Variants in DNAJB1 observed in about 807,000 individuals in gnomAD.
DNAJB1 encodes dnaJ homolog subfamily B member 1.
Under a neutral mutation model 24.0 loss-of-function variants are expected in DNAJB1, and 14 were observed. The ratio of observed to expected loss-of-function variants is 0.58; its 90% CI spans 0.39 to 0.91. The LOEUF (loss-of-function observed/expected upper bound fraction) is 0.91, where lower values mean the gene tolerates loss of function less well. Among genes scored for constraint, DNAJB1 ranks in the 40% least tolerant of loss-of-function variants. The pLI is 0.00. For synonymous variants in DNAJB1, 262 were observed against 174.4 expected (o/e 1.50, Z -3.96); for missense variants, 517 against 458.1 (o/e 1.13, Z -1.17).
intron 1 of DNAJB1, among the ~76,000 whole-genome samples, chr19:14,538,574 C>T (rs1482765928): frequency 6.6e-6 from 1 of 151,238 alleles, no homozygotes. Flanking sequence ...TCCTCTGTCA[C>T]CAGGCTGGAG....
At chr19:14,517,929 G>A (rs1216867407) in intron 1 of DNAJB1, 11 of 472,096 alleles carry the variant, frequency 2.3e-5, no homozygotes, top group Non-Finnish European at 3.6e-5. Context: ...AGACATGCTA[G>A]AAGCTTCTGG....
chr19:14,529,579 C>T (rs2146541657), upstream of DNAJB1: 1 of 1,505,854 alleles, frequency 6.6e-7, no homozygotes, highest in East Asian at 2.3e-5. Context: ...AGGGGCGGGG[C>T]GGACGCAGAG....
upstream of DNAJB1, among the ~76,000 whole-genome samples, chr19:14,534,755 G>T (rs1355383664): frequency 2.0e-5 from 3 of 152,062 alleles, no homozygotes; most frequent in African/African-American, 7.2e-5. Context: ...AGTCTTATTA[G>T]CACCTGATCA....
At position 14,516,498 on chromosome 19, in the gene DNAJB1, C is replaced by T; in HGVS notation, c.760G>A (p.Val254Ile). Residue 254 changes from valine to isoleucine, a missense_variant, in exon 2 of 3, where the codon GTC becomes ATC. Physicochemically the swap from Val to Ile is conservative, Grantham distance 29. Transcript: ENST00000254322. ...AGGCTGATCCTGGCAGGATAAATGA[C>T]ATCAGAGCCATCTCTCTTAAAGATA... ...HNIFKRDGSD[V>I]IYPARISLRE... The T allele has an allele frequency of 1.2e-6, 2 of 1,614,030 alleles. No homozygotes were observed. Among genetic ancestry groups the T allele is most frequent in the Non-Finnish European group, 1.7e-6 (2 of 1,179,880 alleles).
intron 1 of DNAJB1, among the ~76,000 whole-genome samples, chr19:14,538,537 T>A (rs886593275): frequency 6.8e-3 from 56 of 8,182 alleles, no homozygotes; most frequent in African/African-American, 0.039. Context: ...CTTTTTTTTC[T>A]TTTTTTTTTT....
Position 14,527,235 on chromosome 19 carries a change from G to A in DNAJB1, c.-90+491C>T, listed in dbSNP as rs1167439722. 1.6e-5 allele frequency: 2 copies of A among 126,648 alleles called. 1 individual carries two copies. The highest frequency in any genetic ancestry group is 5.2e-4 in the South Asian group (2 of 3,810). 7.8% of individuals were successfully genotyped at this position (126,648 alleles called of 1,614,324 possible). On this transcript the variant is annotated intron_variant, in intron 2 of 3. Coordinates refer to the DNAJB1 transcript ENST00000396969. Reference sequence around the variant, plus strand: ...TCATTCTTGTCACCCAGGCTGGAGTGCAGTGGTGTGATCTCTGCTCACTGC... The same window carrying A: ...TCATTCTTGTCACCCAGGCTGGAGTACAGTGGTGTGATCTCTGCTCACTGC...
chr19:14,531,762 A>G (rs2072676807), upstream of DNAJB1: 1 of 152,152 alleles, frequency 6.6e-6, no homozygotes, highest in South Asian at 2.1e-4. Flanking sequence ...AATTTTTGAC[A>G]TGGTATCAAG....
At chr19:14,547,545 C>T (rs1337321740) in intron 1 of DNAJB1, among the ~76,000 whole-genome samples, 3 of 151,944 alleles carry the variant, frequency 2.0e-5, no homozygotes, top group African/African-American at 4.8e-5. Context: ...TATTTTCAGT[C>T]GAGATGAGTT....
At chr19:14,527,327 G>A (rs1965683) in intron 2 of DNAJB1, 32,197 of 151,262 alleles carry the variant, frequency 0.21, 4,347 homozygotes, top group South Asian at 0.34. Context: ...GATTACAGGT[G>A]CCCACCACCA....
In DNAJB1 at chr19:14,558,982, C is replaced by CGT. The variant is rs145913080; in HGVS notation, c.-2166+1047_-2166+1048dup. Among the ~76,000 whole-genome samples, 223 of 151,676 alleles carry CGT rather than the reference C, an allele frequency of 1.5e-3. 5 individuals carry two copies. In the South Asian group the frequency reaches 0.043, roughly 29 times the overall value. On this transcript the variant is annotated intron_variant, in intron 1 of 5. Coordinates refer to the DNAJB1 transcript ENST00000679223. ...CCTGTTGGCCTCAGGCCTGGGCAGG[C>CGT]GTGTGTGTGTGTGGCAGGCACAGAG...
In DNAJB1 at chr19:14,516,736, C is replaced by T; in HGVS notation, c.522G>A (p.Glu174=). ...VTHDLRVSLE[E]IYSGCTKKMK... ...TCTTCTTGGTACAGCCGCTGTAGAT[C>T]TCTTCAAGGGAGACTCGAAGGTCGT... Residue 174 remains glutamate, a synonymous_variant, in exon 2 of 3, where the codon GAG becomes GAA. Coordinates refer to ENST00000254322, the MANE Select transcript of DNAJB1 (RefSeq NM_006145.3). The T allele has an allele frequency of 1.2e-6, 2 of 1,614,134 alleles. No individual in the cohort carries two copies. Among genetic ancestry groups the T allele is most frequent in the Non-Finnish European group, 1.7e-6 (2 of 1,180,038 alleles).
chr19:14,527,165 C>CTT lies in DNAJB1; in HGVS notation c.-90+559_-90+560dup, dbSNP rs369143149. On this transcript the variant is annotated intron_variant, in intron 2 of 3. Transcript: ENST00000396969. ...AACTGCCACCAGAAAAATATCTCTG[C>CTT]TTTTTTTTTTTTTTTTTTTTTTTTT... is the stretch of plus-strand genomic sequence containing the variant. 9.7e-3 allele frequency among the ~76,000 whole-genome samples: 399 copies of CTT among 41,296 alleles called. 84 individuals are homozygous for CTT. Among genetic ancestry groups the CTT allele is most frequent in the African/African-American group, 0.026 (236 of 9,244 alleles). The allele number at this position is 41,296 out of a possible 152,430, so 27.1% of individuals were successfully genotyped here. A position where few individuals can be genotyped will look rare whatever the true frequency, so the allele number is the denominator to read the frequency against.
At chr19:14,551,108 G>A (rs111397296), upstream of DNAJB1, among the ~76,000 whole-genome samples, 1,560 of 151,080 alleles carry the variant, frequency 0.01, 35 homozygotes, top group African/African-American at 0.035. Context: ...GTCTTGCTTT[G>A]TCACCCAGGC....
intron 1 of DNAJB1, among the ~76,000 whole-genome samples, chr19:14,536,933 C>A (rs912340344): frequency 1.4e-5 from 2 of 147,810 alleles, no homozygotes; most frequent in African/African-American, 5.1e-5. Context: ...CACCTCTGGA[C>A]CTCTGGACAC....
chr19:14,526,564 T>C (rs1252761410), intron 2 of DNAJB1, among the ~76,000 whole-genome samples: 1 of 152,202 alleles, frequency 6.6e-6, no homozygotes, highest in African/African-American at 2.4e-5. Context: ...ATTATTTGTA[T>C]GTTCCGGTTG....
upstream of DNAJB1, among the ~76,000 whole-genome samples, chr19:14,522,696 AC>A (rs1181133656): frequency 3.4e-5 from 5 of 146,680 alleles, no homozygotes; most frequent in African/African-American, 7.8e-5. Context: ...ACACACACAC[AC>A]ACACACACAC....
chr19:14,543,660 G>A (rs920969172), intron 1 of DNAJB1, among the ~76,000 whole-genome samples: 1 of 149,920 alleles, frequency 6.7e-6, no homozygotes, highest in Non-Finnish European at 1.5e-5. Flanking sequence ...GGATGGTCTC[G>A]ATCTCCTGAC....
rs1435560370 is a variant in DNAJB1, at chr19:14,514,930, A to G, written c.*1010T>C. Reference sequence around the variant, plus strand: ...TTCCAACTCCCCTTCCCTCCCCAAGATTTCTTCAGAATTCCATTATGGCCC... The same window carrying G: ...TTCCAACTCCCCTTCCCTCCCCAAGGTTTCTTCAGAATTCCATTATGGCCC... On this transcript the variant is annotated 3_prime_UTR_variant, in exon 3 of 3. Transcript: ENST00000254322. 1 of 152,532 alleles carries G rather than the reference A, an allele frequency of 6.6e-6. No homozygotes were observed. The highest frequency in any genetic ancestry group is 1.5e-5 in the Non-Finnish European group (1 of 68,056). The allele number at this position is 152,532 out of a possible 1,614,324, so 9.4% of individuals were successfully genotyped here. A position where few individuals can be genotyped will look rare whatever the true frequency, so the allele number is the denominator to read the frequency against.
chr19:14,519,243 C>T (rs534650597), upstream of DNAJB1, among the ~76,000 whole-genome samples: 1 of 152,174 alleles, frequency 6.6e-6, no homozygotes, highest in Admixed American at 6.5e-5. Context: ...GTGGCACGAA[C>T]CTGTAATCCC....
Sources: allele counts gnomAD v4.1 joint callset (sites outside exome capture counted in the v4.1 genomes callset), GRCh38; gene constraint gnomAD v4.1.1; transcripts MANE v1.5; gene names NCBI Gene and HGNC (gene_info 2026-07-23, HGNC 2026-07-21).